CENPT: variants seen among roughly 807,000 people sequenced by gnomAD.
CENPT encodes the protein interphase centromere complex protein 22.
In CENPT, 42 loss-of-function variants were observed where a neutral mutation model predicts 59.7. The ratio of observed to expected loss-of-function variants is 0.70; its 90% CI spans 0.55 to 0.91. The LOEUF is 0.91. Among genes scored for constraint, CENPT ranks in the 40% least tolerant of loss-of-function variants. The pLI, the probability that CENPT is intolerant of heterozygous loss-of-function variation, is 0.00. For missense variants in CENPT, 716 were observed against 713.4 expected (o/e 1.00, Z -0.04); for synonymous variants, 295 against 289.6 (o/e 1.02, Z -0.19).
Position 67,842,508 on chromosome 16 carries a change from A to G in CENPT, c.-492+4893T>C, listed in dbSNP as rs1324795494. ...CGGCGGCGTAGCCACTGGGCCGTCG[A>G]AGAGCGCAGGAGGCCGGTGGGCCGG... On this transcript the variant is annotated intron_variant, in intron 1 of 15. Coordinates refer to ENST00000562787, the MANE Select transcript of CENPT (RefSeq NM_025082.4). The surrounding 1 kb of genome is among the most constrained non-coding windows in gnomAD (Gnocchi z 4.9). The G allele has an allele frequency of 2.8e-6, 4 of 1,423,270 alleles. No individual in the cohort carries two copies. The Admixed American group carries it at 8.6e-5, about 31-fold the overall frequency. 88.2% of individuals were successfully genotyped at this position (1,423,270 alleles called of 1,614,324 possible). A position where few individuals can be genotyped will look rare whatever the true frequency, so the allele number is the denominator to read the frequency against.
At chr16:67,846,615 C>T (rs2057801104) in intron 1 of CENPT, 1 of 152,476 alleles carries the variant, frequency 6.6e-6, no homozygotes, top group South Asian at 2.1e-4. Context: ...ACCCCCACCC[C>T]AGTGCACAGA....
chr16:67,829,641 C>T, intron 12 of CENPT, 124 bp downstream of exon 12: 1 of 1,311,360 alleles, frequency 7.6e-7, no homozygotes, highest in South Asian at 1.3e-5. Flanking sequence ...AGCAGGTGCC[C>T]CTCAGTGTCT....
intron 1 of CENPT, among the ~76,000 whole-genome samples, chr16:67,846,407 T>G (rs1254562731): frequency 1.3e-5 from 2 of 152,162 alleles, no homozygotes; most frequent in Admixed American, 1.3e-4. Flanking sequence ...CTCGCCGAGG[T>G]GCAGGCGCAC....
intron 1 of CENPT, among the ~76,000 whole-genome samples, chr16:67,840,303 G>T (rs185735339): frequency 6.6e-6 from 1 of 152,136 alleles, no homozygotes. Flanking sequence ...GGGCAACAGA[G>T]CGAGACTCCG....
At chr16:67,841,006 A>AATAC (rs1393140917) in intron 1 of CENPT, among the ~76,000 whole-genome samples, 173 of 66,452 alleles carry the variant, frequency 2.6e-3, no homozygotes, top group African/African-American at 0.013. Flanking sequence ...CTAAATACAA[A>AATAC]ATACATATAT....
rs529898028 is a variant in CENPT, at chr16:67,831,498, A to T, written c.560+78T>A. ...AACTGGTAGGAAGTAGTATGGGCAG[A>T]TTCCATCCCAGGCAGCACCTCCCTC... On this transcript the variant is annotated intron_variant, in intron 9 of 15. Coordinates refer to ENST00000562787, the MANE Select transcript of CENPT (RefSeq NM_025082.4). The T allele has an allele frequency of 6.3e-6, 10 of 1,586,122 alleles. No homozygotes were observed. The Middle Eastern group carries it at 1.1e-3, about 170-fold the overall frequency.
At chr16:67,832,710 C>T (rs1048077005) in intron 4 of CENPT, among the ~76,000 whole-genome samples, 165 bp from the exon 5 acceptor site, 2 of 152,116 alleles carry the variant, frequency 1.3e-5, no homozygotes, top group African/African-American at 4.8e-5. Flanking sequence ...CCCTATGTCA[C>T]CAGCAGTGTG....
chr16:67,829,414 G>C lies in CENPT; in HGVS notation c.1280+9C>G. 6.3e-7 allele frequency: 1 copy of C among 1,586,134 alleles called. No homozygotes were observed. ...GAGGCCCATGAGGAATGGGGTTGTG[G>C]GATCTTACACTGCAGCACCAGGCGC... On this transcript the variant is annotated intron_variant, in intron 13 of 15. Transcript: ENST00000562787.
chr16:67,829,900 C>T lies in CENPT; in HGVS notation c.1051G>A (p.Gly351Arg). The change falls in exon 12 of 16, where the codon GGA becomes AGA. Residue 351 changes from glycine to arginine, a missense_variant. Coordinates refer to ENST00000562787, the MANE Select transcript of CENPT (RefSeq NM_025082.4). ...GVSVSEMEAT[G>R]AQGPSRVEEA... Reference sequence around the variant, plus strand: ...TCTACCCTGCTGGGTCCTTGTGCTCCTGTTGCCTCCATTTCACTCACACTC... The same window carrying T: ...TCTACCCTGCTGGGTCCTTGTGCTCTTGTTGCCTCCATTTCACTCACACTC... 2 of 1,614,234 alleles carry T rather than the reference C, an allele frequency of 1.2e-6. No homozygotes were observed. The highest frequency in any genetic ancestry group is 1.7e-5 in the Admixed American group (1 of 60,022).
At chr16:67,836,759 GA>G (rs1300451813) in intron 1 of CENPT, among the ~76,000 whole-genome samples, 1 of 151,916 alleles carries the variant, frequency 6.6e-6, no homozygotes, top group Non-Finnish European at 1.5e-5. Flanking sequence ...TTTTAGTAAA[GA>G]TGGGGTTTCT....
intron 11 of CENPT, 80 bp from the exon 12 acceptor site, chr16:67,830,168 A>G (rs764872905): frequency 3.5e-6 from 5 of 1,409,046 alleles, no homozygotes; most frequent in Non-Finnish European, 4.0e-6. Context: ...AAGATGGACC[A>G]GCAGACCCAG....
Position 67,842,890 on chromosome 16 carries a change from GCAA to G in CENPT, c.-492+4508_-492+4510del, listed in dbSNP as rs773155507. 7.6e-6 allele frequency: 12 copies of G among 1,586,072 alleles called. No individual in the cohort carries two copies. The African/African-American group carries it at 1.0e-4, about 14-fold the overall frequency. On this transcript the variant is annotated intron_variant, in intron 1 of 15. Coordinates refer to ENST00000562787, the MANE Select transcript of CENPT (RefSeq NM_025082.4). The surrounding 1 kb of genome is among the most constrained non-coding windows in gnomAD (Gnocchi z 4.9). Reference sequence around the variant, plus strand: ...AGCAGCAGCAACAGCAGCAGCAGCAGCAACAGCAGCAACAGCAGCAGCAGCAGC... The same window carrying G: ...AGCAGCAGCAACAGCAGCAGCAGCAGCAGCAGCAACAGCAGCAGCAGCAGC...
rs1567374232 is a variant in CENPT at position 67,842,869 on chromosome 16, GCAGCAACAGCAGCAGCAGCAGCAA to G, written c.-492+4508_-492+4531del. On this transcript the variant is annotated intron_variant, in intron 1 of 15. Coordinates refer to ENST00000562787, the MANE Select transcript of CENPT (RefSeq NM_025082.4). This position sits in a 1 kb window ranked among gnomAD's most constrained non-coding sequence, Gnocchi z 4.9. The stretch of plus-strand genomic sequence containing the variant: ...CCGCGGCCGCCCGCCGCAGGCAGCA[GCAGCAACAGCAGCAGCAGCAGCAA>G]CAGCAGCAACAGCAGCAGCAGCAGC... The G allele has an allele frequency of 6.2e-7, 1 of 1,604,542 alleles. No homozygotes were observed. Among genetic ancestry groups the G allele is most frequent in the Admixed American group, 1.7e-5 (1 of 59,708 alleles).
At position 67,828,690 on chromosome 16, in the gene CENPT, C is replaced by G. The variant is rs2057637958; in HGVS notation, c.1434G>C (p.Lys478Asn). ...ACCACTTCTCCACCATCTCAAGAGC[C>G]TTCCTCTCCATGGGCATCTTGGCAT... ...SFYAKMPMER[K>N]ALEMVEKCLD... The change falls in exon 14 of 16, where the codon AAG (lysine) becomes AAC (asparagine). Residue 478 changes from lysine (K) to asparagine (N), a missense_variant. Coordinates refer to ENST00000562787, the MANE Select transcript of CENPT (RefSeq NM_025082.4). 1 of 1,614,078 alleles carries G rather than the reference C, an allele frequency of 6.2e-7. No homozygotes were observed. The highest frequency in any genetic ancestry group is 8.5e-7 in the Non-Finnish European group (1 of 1,180,052).
In CENPT at chr16:67,842,677, G is replaced by A. The variant is rs1363072114; in HGVS notation, c.-492+4724C>T. Reference sequence around the variant, plus strand: ...GGCGCCTCTGGCTCAAGAACGTGTCGCGTGCCGGCGTCAGTGGGTGCTTCT... The same window carrying A: ...GGCGCCTCTGGCTCAAGAACGTGTCACGTGCCGGCGTCAGTGGGTGCTTCT... On this transcript the variant is annotated intron_variant, in intron 1 of 15. Transcript: ENST00000562787. The surrounding 1 kb of genome is among the most constrained non-coding windows in gnomAD (Gnocchi z 4.9). The A allele has an allele frequency of 6.3e-7, 1 of 1,577,058 alleles. No homozygotes were observed. Among genetic ancestry groups the A allele is most frequent in the African/African-American group, 1.4e-5 (1 of 74,042 alleles).
chr16:67,828,219 G>C lies in CENPT; in HGVS notation c.*48C>G, dbSNP rs376860228. On this transcript the variant is annotated 3_prime_UTR_variant, in exon 16 of 16. Coordinates refer to ENST00000562787, the MANE Select transcript of CENPT (RefSeq NM_025082.4). ...GGAGGAGACCTGGAGAAATATGTGG[G>C]GGCAAGAGTCCCCAGGTGGGGACAG... is the stretch of plus-strand genomic sequence containing the variant. 5 of 1,537,052 alleles carry C rather than the reference G, an allele frequency of 3.3e-6. No individual in the cohort carries two copies. Among genetic ancestry groups the C allele is most frequent in the Admixed American group, 2.1e-5 (1 of 48,760 alleles).
intron 1 of CENPT, among the ~76,000 whole-genome samples, chr16:67,838,024 T>G (rs1736172901): frequency 2.0e-5 from 3 of 152,118 alleles, no homozygotes; most frequent in Admixed American, 1.3e-4. Context: ...GGGAGACATG[T>G]GATGAGGTTC....
At chr16:67,833,584 A>G (rs1248855246) in intron 4 of CENPT, among the ~76,000 whole-genome samples, 166 bp downstream of exon 4, 1 of 151,750 alleles carries the variant, frequency 6.6e-6, no homozygotes, top group Non-Finnish European at 1.5e-5. Context: ...CCTCTCTGAG[A>G]CTCAGTTTTC....
chr16:67,837,032 C>G (rs917886921), intron 1 of CENPT, among the ~76,000 whole-genome samples: 1 of 150,478 alleles, frequency 6.6e-6, no homozygotes, highest in Admixed American at 6.6e-5. Context: ...TGAGCCACTA[C>G]GAAATTTTTT....
Sources: allele counts gnomAD v4.1 joint callset (sites outside exome capture counted in the v4.1 genomes callset), GRCh38; gene constraint gnomAD v4.1.1; non-coding constraint Gnocchi (gnomAD v3.1); transcripts MANE v1.5; gene names NCBI Gene and HGNC (gene_info 2026-07-23, HGNC 2026-07-21).